PALS2: variants seen among roughly 807,000 people sequenced by gnomAD.
The protein encoded by PALS2 is protein associated with LIN7 2, MAGUK p55 family member.
PALS2 carries 27 observed loss-of-function variants against 61.6 expected under a neutral mutation model. The observed-to-expected ratio is 0.44, with a 90% CI of 0.32 to 0.60. The LOEUF (loss-of-function observed/expected upper bound fraction) is 0.60. Among genes scored for constraint, PALS2 ranks in the 20% least tolerant of loss-of-function variants. The pLI is 0.05. For missense variants in PALS2, 554 were observed against 639.4 expected (o/e 0.87, Z 1.44); for synonymous variants, 236 against 218.6 (o/e 1.08, Z -0.70).
intron 11 of PALS2, among the ~76,000 whole-genome samples, chr7:24,686,794 A>G (rs1358685241): frequency 6.6e-6 from 1 of 152,220 alleles, no homozygotes; most frequent in Non-Finnish European, 1.5e-5. Flanking sequence ...TCAAAACACC[A>G]TCTTACGAAA....
intron 1 of PALS2, among the ~76,000 whole-genome samples, chr7:24,580,004 G>A (rs544079396): frequency 6.6e-6 from 1 of 152,184 alleles, no homozygotes. Context: ...ATGAGAAAGT[G>A]TGGGGAAAAT....
chr7:24,656,100 C>G (rs1045518092), intron 5 of PALS2, among the ~76,000 whole-genome samples: 1 of 152,174 alleles, frequency 6.6e-6, no homozygotes, highest in African/African-American at 2.4e-5. Context: ...ATGATAATCA[C>G]TTTGTTCACC....
chr7:24,682,065 C>T (rs1483198630), intron 11 of PALS2, among the ~76,000 whole-genome samples: 2 of 152,076 alleles, frequency 1.3e-5, no homozygotes, highest in Non-Finnish European at 2.9e-5. Context: ...ACATTGTGAG[C>T]TTTGTTCTAG....
chr7:24,665,528 A>G (rs1194230459), intron 6 of PALS2, 60 bp from the exon 7 acceptor site: 4 of 1,477,368 alleles, frequency 2.7e-6, no homozygotes, highest in African/African-American at 1.4e-5. Flanking sequence ...TGTCTTACTT[A>G]ATAGAATATG....
intron 2 of PALS2, among the ~76,000 whole-genome samples, chr7:24,636,696 G>T (rs747695100): frequency 5.3e-5 from 8 of 152,008 alleles, no homozygotes; most frequent in Non-Finnish European, 1.0e-4. Context: ...TTTAAAGATA[G>T]GTTCCTAAAT....
At chr7:24,585,165 T>C (rs1415816968) in intron 1 of PALS2, among the ~76,000 whole-genome samples, 1 of 152,200 alleles carries the variant, frequency 6.6e-6, no homozygotes, top group Non-Finnish European at 1.5e-5. Flanking sequence ...TGGTTCCATA[T>C]GAACTTTAAA....
At chr7:24,599,466 C>A (rs1783637542) in intron 1 of PALS2, among the ~76,000 whole-genome samples, 1 of 149,232 alleles carries the variant, frequency 6.7e-6, no homozygotes, top group East Asian at 2.0e-4. Flanking sequence ...CATTGTACAG[C>A]TGTACAAAAA....
chr7:24,597,106 C>T (rs558300411), intron 1 of PALS2: 2 of 152,200 alleles, frequency 1.3e-5, no homozygotes, highest in South Asian at 4.2e-4. Flanking sequence ...TGGTTAGAGT[C>T]AGTGAGTAGT....
chr7:24,644,033 A>G (rs768778678), intron 3 of PALS2, among the ~76,000 whole-genome samples: 6 of 151,640 alleles, frequency 4.0e-5, no homozygotes, highest in African/African-American at 1.4e-4. Flanking sequence ...TTCTCTATCA[A>G]CCATGTACCT....
chr7:24,666,142 T>C, intron 8 of PALS2, 53 bp downstream of exon 8: 2 of 1,464,818 alleles, frequency 1.4e-6, no homozygotes, highest in East Asian at 4.5e-5. Flanking sequence ...ATATGTCATT[T>C]AGTGTGGCAT....
intron 5 of PALS2, among the ~76,000 whole-genome samples, chr7:24,659,038 G>C (rs544609374): frequency 6.6e-6 from 1 of 152,074 alleles, no homozygotes; most frequent in African/African-American, 2.4e-5. Context: ...AGGGTCTGTT[G>C]TTCCCCTCTT....
Position 24,581,061 on chromosome 7 carries a change from A to G in PALS2, c.-3+7468A>G, listed in dbSNP as rs535356031. Among the ~76,000 whole-genome samples, 18 of 152,298 alleles carry G rather than the reference A, an allele frequency of 1.2e-4. No homozygotes were observed. In the South Asian group the frequency reaches 3.7e-3, roughly 32 times the overall value. On this transcript the variant is annotated intron_variant, in intron 1 of 11. Transcript: ENST00000222644. ...TGAAGGCCAGACATTTGAAATCAGT[A>G]TAATTGGGCCAAAATCAAGGTGTCA...
chr7:24,594,990 A>G (rs1783444050), intron 1 of PALS2, among the ~76,000 whole-genome samples: 1 of 152,126 alleles, frequency 6.6e-6, no homozygotes, highest in African/African-American at 2.4e-5. Flanking sequence ...ACAAACATTC[A>G]ATTTTTTTAA....
intron 5 of PALS2, among the ~76,000 whole-genome samples, chr7:24,657,173 C>CTTTTACAA (rs1453542918): frequency 6.6e-6 from 1 of 152,116 alleles, no homozygotes; most frequent in Non-Finnish European, 1.5e-5. Flanking sequence ...CAGTATGGGG[C>CTTTTACAA]TTTTACAAAT....
At chr7:24,666,301 G>A (rs1457578374) in intron 8 of PALS2, among the ~76,000 whole-genome samples, 2 of 152,114 alleles carry the variant, frequency 1.3e-5, no homozygotes, top group African/African-American at 4.8e-5. Context: ...TGTGAGTATA[G>A]TTTACAACAC....
intron 1 of PALS2, among the ~76,000 whole-genome samples, chr7:24,593,905 A>G (rs540266749): frequency 6.6e-6 from 1 of 152,256 alleles, no homozygotes; most frequent in East Asian, 1.9e-4. Flanking sequence ...GCCTCTAACT[A>G]AAGAGTCAGA....
intron 9 of PALS2, among the ~76,000 whole-genome samples, chr7:24,672,185 A>G (rs1435976579): frequency 6.8e-6 from 1 of 147,442 alleles, no homozygotes; most frequent in Non-Finnish European, 1.5e-5. Flanking sequence ...GGCCTTGAGG[A>G]CTACTGCCAT....
At chr7:24,669,734 A>G (rs1583983972) in intron 9 of PALS2, among the ~76,000 whole-genome samples, 1 of 152,324 alleles carries the variant, frequency 6.6e-6, no homozygotes, top group South Asian at 2.1e-4. Flanking sequence ...AGTTAGGGAA[A>G]TAGCCTTGTC....
intron 2 of PALS2, among the ~76,000 whole-genome samples, chr7:24,630,266 G>A (rs958122650): frequency 6.6e-6 from 1 of 152,086 alleles, no homozygotes; most frequent in Non-Finnish European, 1.5e-5. Context: ...TTAAGTGGGT[G>A]TAAGTTGAAC....
Sources: gnomAD v4.1 joint callset for allele counts (sites outside exome capture counted in the v4.1 genomes callset) on GRCh38, gnomAD v4.1.1 for gene constraint, MANE v1.5 for transcripts, NCBI Gene and HGNC (gene_info 2026-07-23, HGNC 2026-07-21) for gene names.